Variants in CLEC16A observed in about 807,000 individuals in gnomAD.
CLEC16A encodes protein CLEC16A.
CLEC16A carries 51 observed loss-of-function variants against 109.5 expected under a neutral mutation model. The ratio of observed to expected loss-of-function variants is 0.47; its 90% CI spans 0.37 to 0.59. The LOEUF is 0.59. Among genes scored for constraint, CLEC16A ranks in the 20% least tolerant of loss-of-function variants. The pLI is 0.00. For missense variants in CLEC16A, 1,339 were observed against 1,394.0 expected (o/e 0.96, Z 0.63); for synonymous variants, 673 against 564.2 (o/e 1.19, Z -2.73).
chr16:11,050,846 C>G (rs899572712), intron 17 of CLEC16A, among the ~76,000 whole-genome samples: 1 of 152,176 alleles, frequency 6.6e-6, no homozygotes, highest in Non-Finnish European at 1.5e-5. Context: ...TTATATTATC[C>G]CAGGTAAGAT....
chr16:11,049,120 G>T (rs2047792688), intron 17 of CLEC16A, among the ~76,000 whole-genome samples: 1 of 151,818 alleles, frequency 6.6e-6, no homozygotes, highest in African/African-American at 2.4e-5. Context: ...CAATTCTCCT[G>T]CCTCAGCCTC....
intron 13 of CLEC16A, among the ~76,000 whole-genome samples, chr16:11,035,873 G>A (rs918402364): frequency 7.2e-5 from 11 of 152,192 alleles, no homozygotes; most frequent in African/African-American, 2.7e-4. Context: ...ACACTGGATA[G>A]TTGGAGTCAA....
chr16:11,086,761 T>G (rs2050033457), intron 19 of CLEC16A, among the ~76,000 whole-genome samples: 1 of 152,152 alleles, frequency 6.6e-6, no homozygotes. Flanking sequence ...CAGGCTGGTC[T>G]CAAACTCCTG....
intron 22 of CLEC16A, among the ~76,000 whole-genome samples, chr16:11,154,268 T>TA (rs2054414941): frequency 6.6e-6 from 1 of 152,220 alleles, no homozygotes; most frequent in South Asian, 2.1e-4. Context: ...GCTGTTTCTG[T>TA]AGGTCAAGTT....
At chr16:11,005,562 C>T (rs1259416475) in intron 11 of CLEC16A, among the ~76,000 whole-genome samples, 1 of 152,174 alleles carries the variant, frequency 6.6e-6, no homozygotes, top group Non-Finnish European at 1.5e-5. Flanking sequence ...TTTTGTCACT[C>T]AGCTCACCAT....
In CLEC16A at chr16:10,977,222, C is replaced by T; in HGVS notation, c.729-3C>T. 6.2e-7 allele frequency: 1 copy of T among 1,612,564 alleles called. No individual in the cohort carries two copies. The highest frequency in any genetic ancestry group is 1.1e-5 in the South Asian group (1 of 90,878). On this transcript the variant is annotated splice_polypyrimidine_tract_variant and splice_region_variant and intron_variant, in intron 7 of 23. Coordinates refer to ENST00000409790, the MANE Select transcript of CLEC16A (RefSeq NM_015226.3). ...AGGCTGAGGTGGTCATTTCTCCTGG[C>T]AGGCATCGGAATCGGGGTAAACTGA...
At chr16:11,022,111 C>T (rs914219226) in intron 12 of CLEC16A, among the ~76,000 whole-genome samples, 30 of 152,136 alleles carry the variant, frequency 2.0e-4, no homozygotes, top group Admixed American at 6.5e-5. Flanking sequence ...CTAATGGAAG[C>T]TGATTCAGTT....
At chr16:11,032,260 G>A (rs898998708) in intron 13 of CLEC16A, among the ~76,000 whole-genome samples, 3 of 152,240 alleles carry the variant, frequency 2.0e-5, no homozygotes, top group Admixed American at 6.5e-5. Context: ...CAAGAGGCAG[G>A]CATCTGGAGC....
chr16:11,071,627 G>A (rs951188436), intron 19 of CLEC16A, among the ~76,000 whole-genome samples: 11 of 149,960 alleles, frequency 7.3e-5, no homozygotes, highest in African/African-American at 2.7e-4. Flanking sequence ...TTAAGAGATG[G>A]GATCTTGCTG....
intron 11 of CLEC16A, among the ~76,000 whole-genome samples, chr16:11,004,371 C>T (rs1227646780): frequency 6.6e-6 from 1 of 152,116 alleles, no homozygotes; most frequent in Non-Finnish European, 1.5e-5. Flanking sequence ...AGAAGTGGAG[C>T]TGGGGCTCTT....
intron 12 of CLEC16A, among the ~76,000 whole-genome samples, chr16:11,023,283 C>T (rs76069946): frequency 6.6e-6 from 1 of 152,092 alleles, no homozygotes; most frequent in Non-Finnish European, 1.5e-5. Context: ...TATGATACTT[C>T]ATCTCATAAA....
intron 22 of CLEC16A, among the ~76,000 whole-genome samples, chr16:11,132,707 C>T (rs571008365): frequency 2.6e-5 from 4 of 152,284 alleles, no homozygotes; most frequent in African/African-American, 9.6e-5. Context: ...CTGACACTAT[C>T]CTGCACTAGA....
At chr16:11,157,791 G>A (rs144488479) in intron 22 of CLEC16A, among the ~76,000 whole-genome samples, 3 of 152,344 alleles carry the variant, frequency 2.0e-5, no homozygotes, top group East Asian at 1.9e-4. Flanking sequence ...TTGAGCAGCC[G>A]TGGGTAGTTT....
intron 11 of CLEC16A, among the ~76,000 whole-genome samples, chr16:11,019,035 G>C (rs780212438): frequency 6.6e-6 from 1 of 152,134 alleles, no homozygotes; most frequent in Non-Finnish European, 1.5e-5. Flanking sequence ...TGCATGAGCC[G>C]GGGGGAGGGA....
At chr16:11,147,007 G>C (rs886760674) in intron 22 of CLEC16A, among the ~76,000 whole-genome samples, 9 of 152,170 alleles carry the variant, frequency 5.9e-5, no homozygotes, top group Non-Finnish European at 7.3e-5. Context: ...ACCCAGACCA[G>C]GTGTCTGGGA....
At chr16:11,075,792 G>A (rs1187827703) in intron 19 of CLEC16A, among the ~76,000 whole-genome samples, 1 of 152,084 alleles carries the variant, frequency 6.6e-6, no homozygotes, top group African/African-American at 2.4e-5. Flanking sequence ...TGAGATGTCA[G>A]GAGGATGAGA....
intron 23 of CLEC16A, among the ~76,000 whole-genome samples, chr16:11,173,299 G>A (rs542834940): frequency 3.5e-4 from 54 of 152,234 alleles, no homozygotes; most frequent in Non-Finnish European, 5.9e-5. Flanking sequence ...ATAGTCCAGT[G>A]GCATCTAAGG....
At chr16:10,984,655 A>T in intron 10 of CLEC16A, among the ~76,000 whole-genome samples, 1 of 152,336 alleles carries the variant, frequency 6.6e-6, no homozygotes, top group Non-Finnish European at 1.5e-5. Context: ...TCTCATGACA[A>T]CACACGGTCT....
At chr16:10,985,994 C>CT (rs1220168857) in intron 10 of CLEC16A, among the ~76,000 whole-genome samples, 5 of 137,298 alleles carry the variant, frequency 3.6e-5, no homozygotes, top group African/African-American at 1.4e-4. Context: ...GTGTGAGACA[C>CT]TGCACCTGGC....
Sources: allele counts gnomAD v4.1 joint callset (sites outside exome capture counted in the v4.1 genomes callset), GRCh38; gene constraint gnomAD v4.1.1; transcripts MANE v1.5; gene names NCBI Gene and HGNC (gene_info 2026-07-23, HGNC 2026-07-21).